Variants in SETD3 observed in about 807,000 individuals in gnomAD.
The protein encoded by SETD3 is actin-histidine N-methyltransferase.
SETD3 carries 19 observed loss-of-function variants against 63.0 expected under a neutral mutation model. The ratio of observed to expected loss-of-function variants is 0.30; its 90% CI spans 0.21 to 0.44. SETD3 has a LOEUF of 0.44. SETD3 is among the 20% of genes least tolerant of loss of function. SETD3 has a pLI of 1.00. For synonymous variants in SETD3, 286 were observed against 264.1 expected (o/e 1.08, Z -0.80); for missense variants, 587 against 728.5 (o/e 0.81, Z 2.24).
intron 6 of SETD3, among the ~76,000 whole-genome samples, chr14:99,452,254 G>A (rs1894504261): frequency 6.6e-6 from 1 of 152,120 alleles, no homozygotes; most frequent in African/African-American, 2.4e-5. Flanking sequence ...TTACAGTCAC[G>A]CTCCACCACA....
intron 1 of SETD3, among the ~76,000 whole-genome samples, chr14:99,477,746 C>T (rs1179032889): frequency 3.4e-5 from 1 of 28,992 alleles, no homozygotes; most frequent in Non-Finnish European, 7.0e-5. Flanking sequence ...GAAACTCCAT[C>T]TCAAAAAAAA....
At chr14:99,423,457 G>A (rs1291886391) in intron 6 of SETD3, among the ~76,000 whole-genome samples, 1 of 151,500 alleles carries the variant, frequency 6.6e-6, no homozygotes, top group East Asian at 1.9e-4. Flanking sequence ...ATACCTTTGG[G>A]TAGAGTACCT....
intron 8 of SETD3, chr14:99,411,266 AAC>A (rs1407345911): frequency 2.0e-5 from 3 of 152,054 alleles, no homozygotes; most frequent in Admixed American, 2.0e-4. Flanking sequence ...TATTAGGGAA[AAC>A]ACAGCACTGG....
At chr14:99,453,724 G>A (rs1894593830) in intron 6 of SETD3, among the ~76,000 whole-genome samples, 1 of 151,956 alleles carries the variant, frequency 6.6e-6, no homozygotes, top group African/African-American at 2.4e-5. Context: ...TACTCAGGAG[G>A]CTGAGGCAGG....
upstream of SETD3, chr14:99,481,396 G>A (rs1318182672): frequency 7.5e-6 from 3 of 398,256 alleles, no homozygotes; most frequent in South Asian, 1.3e-4. Flanking sequence ...GCAGCGTGAT[G>A]ACGTAGGTCC....
At chr14:99,412,856 G>C in intron 8 of SETD3, 95 bp downstream of exon 8, 1 of 849,868 alleles carries the variant, frequency 1.2e-6, no homozygotes. Context: ...GGCAACGGGG[G>C]GAGTACGATG....
intron 6 of SETD3, among the ~76,000 whole-genome samples, chr14:99,420,754 A>G: frequency 6.6e-6 from 1 of 152,144 alleles, no homozygotes; most frequent in Non-Finnish European, 1.5e-5. Flanking sequence ...ATCCAAAGAG[A>G]AACAACAACA....
At position 99,458,174 on chromosome 14, in the gene SETD3, G is replaced by A. The variant is rs147031649; in HGVS notation, c.675+105C>T. ...ATATTTTCAATTTAAAAAGTAAAAT[G>A]TTTAAGTATCCTTAATAAGACATCA... On this transcript the variant is annotated intron_variant, in intron 6 of 12. Transcript: ENST00000331768. The A allele has an allele frequency of 1.2e-5, 16 of 1,288,750 alleles. No individual in the cohort carries two copies. The East Asian group carries it at 3.8e-4, about 30-fold the overall frequency. The allele number at this position is 1,288,750 out of a possible 1,614,324, so 79.8% of individuals were successfully genotyped here.
In SETD3 at chr14:99,465,817, C is replaced by T; in HGVS notation, c.-8-4G>A. On this transcript the variant is annotated splice_polypyrimidine_tract_variant and splice_region_variant and intron_variant, in intron 1 of 12. Transcript: ENST00000331768. ...CTCTTCTTACCCATTTTTCTGACTA[C>T]AGAGAAGAGAAAGAAAAGAGAAAAA... 15 of 1,598,312 alleles carry T rather than the reference C, an allele frequency of 9.4e-6. No individual in the cohort carries two copies. The highest frequency in any genetic ancestry group is 1.3e-5 in the Non-Finnish European group (15 of 1,168,392).
intron 1 of SETD3, among the ~76,000 whole-genome samples, chr14:99,477,311 T>C (rs1896022333): frequency 1.3e-5 from 2 of 152,246 alleles, no homozygotes; most frequent in Admixed American, 1.3e-4. Context: ...ATCTCGTTTT[T>C]ACAGTCTGTT....
At chr14:99,451,458 T>C (rs1292510114) in intron 6 of SETD3, among the ~76,000 whole-genome samples, 2 of 152,218 alleles carry the variant, frequency 1.3e-5, no homozygotes, top group African/African-American at 4.8e-5. Flanking sequence ...ACCATCAAGC[T>C]GCAGTATGAT....
chr14:99,403,412 G>T (rs1162815068), intron 11 of SETD3, among the ~76,000 whole-genome samples: 1 of 149,156 alleles, frequency 6.7e-6, no homozygotes, highest in Non-Finnish European at 1.5e-5. Context: ...ATTTAAGGTA[G>T]TTAACAACAG....
chr14:99,406,942 C>A (rs1227881653), intron 8 of SETD3, among the ~76,000 whole-genome samples: 1 of 152,184 alleles, frequency 6.6e-6, no homozygotes, highest in Non-Finnish European at 1.5e-5. Flanking sequence ...CACAGGTGCA[C>A]CTAAGCCTCC....
At chr14:99,434,422 G>C (rs1893354290) in intron 6 of SETD3, among the ~76,000 whole-genome samples, 1 of 152,060 alleles carries the variant, frequency 6.6e-6, no homozygotes. Flanking sequence ...AAGGACAGTG[G>C]GGAGTTTTAC....
intron 8 of SETD3, among the ~76,000 whole-genome samples, chr14:99,407,416 C>T (rs1309728933): frequency 6.6e-6 from 1 of 152,176 alleles, no homozygotes; most frequent in Non-Finnish European, 1.5e-5. Flanking sequence ...TGGCTATAGT[C>T]CTTATTCCTT....
intron 1 of SETD3, among the ~76,000 whole-genome samples, chr14:99,479,569 C>A (rs557904473): frequency 1.3e-5 from 2 of 152,222 alleles, no homozygotes; most frequent in East Asian, 1.9e-4. Flanking sequence ...TTTTGAAATA[C>A]TGGCAAGGTC....
intron 1 of SETD3, among the ~76,000 whole-genome samples, chr14:99,469,123 C>T (rs1419048284): frequency 1.3e-5 from 2 of 152,210 alleles, no homozygotes; most frequent in South Asian, 2.1e-4. Flanking sequence ...ATTCTACAGT[C>T]GAGTACTTGT....
rs11419445 is a variant in SETD3 at position 99,474,875 on chromosome 14, A to ATTT, written c.-9+5850_-9+5852dup. The stretch of plus-strand genomic sequence containing the variant: ...ATAAGCACAGTTGTTGCTTTTCGCA[A>ATTT]TTTTTTTTTTTTGCTATTTTTCCAC... On this transcript the variant is annotated intron_variant, in intron 1 of 12. Transcript: ENST00000331768. Among the ~76,000 whole-genome samples, 23 of 149,766 alleles carry ATTT rather than the reference A, an allele frequency of 1.5e-4. No homozygotes were observed. In the East Asian group the frequency reaches 2.3e-3, roughly 15 times the overall value.
At chr14:99,456,928 A>T (rs1436100166) in intron 6 of SETD3, among the ~76,000 whole-genome samples, 2 of 152,234 alleles carry the variant, frequency 1.3e-5, no homozygotes, top group East Asian at 1.9e-4. Flanking sequence ...CTCTCAGAGC[A>T]GGCTACCAGC....
Sources: allele counts gnomAD v4.1 joint callset (sites outside exome capture counted in the v4.1 genomes callset), GRCh38; gene constraint gnomAD v4.1.1; transcripts MANE v1.5; gene names NCBI Gene and HGNC (gene_info 2026-07-23, HGNC 2026-07-21).